Variants in PRKG1 observed in about 807,000 individuals in gnomAD.
PRKG1 encodes protein kinase cGMP-dependent 1, also known as cGMP-dependent protein kinase 1.
Under a neutral mutation model 88.1 loss-of-function variants are expected in PRKG1, and 35 were observed. The ratio of observed to expected loss-of-function variants is 0.40; its 90% CI spans 0.30 to 0.53. PRKG1 has a LOEUF of 0.53. Ranked by LOEUF, PRKG1 falls within the 20% of genes least tolerant of loss-of-function variation. The probability of loss-of-function intolerance (pLI) is 0.59; values close to 1 mark genes in which losing one functional copy is unlikely to be tolerated. For missense variants in PRKG1, 540 were observed against 839.8 expected (o/e 0.64, Z 4.41); for synonymous variants, 303 against 292.5 (o/e 1.04, Z -0.37).
At chr10:51,466,741 C>T (rs1379926633) in intron 2 of PRKG1, among the ~76,000 whole-genome samples, 2 of 151,946 alleles carry the variant, frequency 1.3e-5, no homozygotes, top group Non-Finnish European at 1.5e-5. Context: ...GCAGGTAGCA[C>T]ACAAATAAAG....
At chr10:51,528,553 A>G (rs1841937454) in intron 3 of PRKG1, among the ~76,000 whole-genome samples, 1 of 143,880 alleles carries the variant, frequency 7.0e-6, no homozygotes, top group South Asian at 2.5e-4. Flanking sequence ...TAGTTTTTCT[A>G]AATTACATTC....
chr10:52,294,163 C>A lies in PRKG1; in HGVS notation c.*263C>A. On this transcript the variant is annotated 3_prime_UTR_variant, in exon 18 of 18. Transcript: ENST00000373980. ...GCCTTTCACCAGTAAAAGATGTTTT[C>A]TATTGTTGCAATGACCTTGCTTTGC... 2.8e-6 allele frequency: 1 copy of A among 359,036 alleles called. No homozygotes were observed. The allele number at this position is 359,036 out of a possible 1,614,324, so 22.2% of individuals were successfully genotyped here. A position where few individuals can be genotyped will look rare whatever the true frequency, so the allele number is the denominator to read the frequency against.
At chr10:51,372,878 C>G (rs1205022134) in intron 2 of PRKG1, among the ~76,000 whole-genome samples, 1 of 151,884 alleles carries the variant, frequency 6.6e-6, no homozygotes, top group Admixed American at 6.6e-5. Context: ...TGGAATAAAC[C>G]CAACTTGTTC....
intron 2 of PRKG1, among the ~76,000 whole-genome samples, chr10:51,410,119 A>C (rs1399316632): frequency 2.0e-5 from 3 of 151,918 alleles, no homozygotes; most frequent in African/African-American, 4.8e-5. Context: ...CCTAGTACCA[A>C]AATCGGTGTT....
chr10:51,841,490 G>C (rs1041578390), intron 4 of PRKG1, among the ~76,000 whole-genome samples: 16 of 152,086 alleles, frequency 1.1e-4, no homozygotes, highest in African/African-American at 2.9e-4. Context: ...TTCAGGAGGA[G>C]GTGAAATTTC....
chr10:52,275,837 T>A (rs1466558881), intron 12 of PRKG1, among the ~76,000 whole-genome samples: 2 of 152,102 alleles, frequency 1.3e-5, no homozygotes, highest in Non-Finnish European at 2.9e-5. Context: ...ATTTGTGTCA[T>A]CTATGACTTC....
At chr10:51,129,154 G>A (rs1042370331) in intron 1 of PRKG1, among the ~76,000 whole-genome samples, 2 of 152,108 alleles carry the variant, frequency 1.3e-5, no homozygotes, top group African/African-American at 2.4e-5. Context: ...CCACCTCCAA[G>A]TTTTTCACAA....
chr10:51,899,053 C>G (rs568702101), intron 4 of PRKG1, among the ~76,000 whole-genome samples: 3 of 152,078 alleles, frequency 2.0e-5, no homozygotes, highest in Non-Finnish European at 4.4e-5. Context: ...AAGCTCTATT[C>G]ACAATTGTAA....
chr10:51,474,529 G>T (rs930051434), intron 3 of PRKG1, among the ~76,000 whole-genome samples: 5 of 151,902 alleles, frequency 3.3e-5, no homozygotes, highest in Non-Finnish European at 5.9e-5. Flanking sequence ...AGAACCTATT[G>T]CAGGATCTAC....
chr10:51,030,024 G>A (rs1040185664), intron 1 of PRKG1, among the ~76,000 whole-genome samples: 1 of 152,086 alleles, frequency 6.6e-6, no homozygotes, highest in Non-Finnish European at 1.5e-5. Context: ...AGAGAAAATA[G>A]CAAACAACTA....
At chr10:51,838,960 T>TA (rs1363455878) in intron 4 of PRKG1, among the ~76,000 whole-genome samples, 1 of 152,152 alleles carries the variant, frequency 6.6e-6, no homozygotes, top group African/African-American at 2.4e-5. Context: ...TAATGGCACA[T>TA]ACATTTTAAG....
chr10:51,440,287 C>T (rs1297667964), intron 2 of PRKG1, among the ~76,000 whole-genome samples: 2 of 151,840 alleles, frequency 1.3e-5, no homozygotes, highest in Non-Finnish European at 2.9e-5. Context: ...CTTACAATGG[C>T]TTGACTTACA....
At chr10:51,860,829 G>A (rs1840855076) in intron 4 of PRKG1, among the ~76,000 whole-genome samples, 1 of 152,178 alleles carries the variant, frequency 6.6e-6, no homozygotes, top group Non-Finnish European at 1.5e-5. Flanking sequence ...GCAGAATAAT[G>A]GAAAGCATAT....
At chr10:51,982,361 G>A (rs921360472) in intron 5 of PRKG1, among the ~76,000 whole-genome samples, 1 of 152,174 alleles carries the variant, frequency 6.6e-6, no homozygotes, top group East Asian at 1.9e-4. Context: ...GAGGGGTAGC[G>A]CAGTCATTTG....
At chr10:51,553,586 A>G (rs1837195658) in intron 3 of PRKG1, among the ~76,000 whole-genome samples, 1 of 151,490 alleles carries the variant, frequency 6.6e-6, no homozygotes, top group African/African-American at 2.4e-5. Context: ...AAGGCAGCCA[A>G]AGTGATCTTT....
At chr10:51,263,850 T>A (rs902998246) in intron 2 of PRKG1, among the ~76,000 whole-genome samples, 6 of 152,196 alleles carry the variant, frequency 3.9e-5, no homozygotes, top group African/African-American at 1.4e-4. Context: ...ATTAGAATGA[T>A]TAGGATATTA....
intron 5 of PRKG1, among the ~76,000 whole-genome samples, chr10:51,963,052 ATTTAT>A (rs936677895): frequency 8.5e-5 from 13 of 152,128 alleles, no homozygotes; most frequent in Non-Finnish European, 1.3e-4. Flanking sequence ...ACACCTGCTT[ATTTAT>A]TTTATGTTTT....
intron 4 of PRKG1, among the ~76,000 whole-genome samples, chr10:51,813,084 A>G (rs547394129): frequency 6.6e-6 from 1 of 152,296 alleles, no homozygotes; most frequent in Admixed American, 6.5e-5. Context: ...CCCACTTCAA[A>G]CTCAAATAAG....
chr10:51,667,901 G>A (rs1840462448), intron 3 of PRKG1, among the ~76,000 whole-genome samples: 1 of 152,146 alleles, frequency 6.6e-6, no homozygotes, highest in African/African-American at 2.4e-5. Flanking sequence ...GTTATGTGCA[G>A]AGACCTGAAG....
Sources: allele counts gnomAD v4.1 joint callset (sites outside exome capture counted in the v4.1 genomes callset), GRCh38; gene constraint gnomAD v4.1.1; transcripts MANE v1.5; gene names NCBI Gene and HGNC (gene_info 2026-07-23, HGNC 2026-07-21).